AGBL1: variants seen among roughly 807,000 people sequenced by gnomAD.
AGBL1 encodes AGBL carboxypeptidase 1.
Under a neutral mutation model 118.9 loss-of-function variants are expected in AGBL1, and 130 were observed. The observed-to-expected ratio is 1.09, with a 90% confidence interval of 0.95 to 1.26. AGBL1 has a LOEUF of 1.26. AGBL1 is among the 50% of genes most tolerant of loss of function. The pLI is 0.00. For missense variants in AGBL1, 1,584 were observed against 1,298.1 expected (o/e 1.22, Z -3.38); for synonymous variants, 555 against 478.9 (o/e 1.16, Z -2.08).
intron 18 of AGBL1, among the ~76,000 whole-genome samples, chr15:86,479,805 A>G (rs910356291): frequency 6.6e-6 from 1 of 152,192 alleles, no homozygotes; most frequent in African/African-American, 2.4e-5. Context: ...TTGCGGCACT[A>G]TTCACAATAG....
chr15:86,463,477 C>T (rs2082359113), intron 18 of AGBL1, among the ~76,000 whole-genome samples: 2 of 152,086 alleles, frequency 1.3e-5, no homozygotes, highest in Admixed American at 1.3e-4. Flanking sequence ...GCTTTTGTTG[C>T]CATTACTTTT....
At chr15:86,430,358 G>T (rs112616021) in intron 18 of AGBL1, among the ~76,000 whole-genome samples, 1 of 151,912 alleles carries the variant, frequency 6.6e-6, no homozygotes, top group East Asian at 1.9e-4. Flanking sequence ...AGCTGGTCGC[G>T]GTGATAGGCA....
chr15:86,514,238 A>G (rs187712969), intron 18 of AGBL1, among the ~76,000 whole-genome samples: 18 of 152,206 alleles, frequency 1.2e-4, no homozygotes, highest in African/African-American at 3.9e-4. Context: ...TCAATACAAA[A>G]TCACAGAGTT....
chr15:86,371,607 G>C (rs2080971126), intron 17 of AGBL1, among the ~76,000 whole-genome samples: 1 of 151,972 alleles, frequency 6.6e-6, no homozygotes, highest in Non-Finnish European at 1.5e-5. Flanking sequence ...TCATTATTAT[G>C]TGTGTGTGGA....
downstream of AGBL1, among the ~76,000 whole-genome samples, chr15:86,916,427 T>C (rs1162520479): frequency 6.6e-6 from 1 of 150,668 alleles, no homozygotes; most frequent in African/African-American, 2.4e-5. Flanking sequence ...GTGTGTGTGT[T>C]TGTGTGTGTG....
chr15:86,365,301 A>G (rs1160353284), intron 17 of AGBL1, among the ~76,000 whole-genome samples: 1 of 152,090 alleles, frequency 6.6e-6, no homozygotes, highest in African/African-American at 2.4e-5. Context: ...GTCCATGTGT[A>G]GTAGTCTGAA....
chr15:86,652,227 G>A (rs2085385134), intron 21 of AGBL1, among the ~76,000 whole-genome samples: 1 of 152,146 alleles, frequency 6.6e-6, no homozygotes, highest in East Asian at 1.9e-4. Context: ...TTCTCCTCAT[G>A]TTCTCTTTCA....
chr15:86,760,459 A>G (rs533082680), intron 22 of AGBL1, among the ~76,000 whole-genome samples: 2 of 152,170 alleles, frequency 1.3e-5, no homozygotes, highest in Non-Finnish European at 1.5e-5. Flanking sequence ...ATGACTTTCT[A>G]AATGCAGAGA....
In AGBL1 at chr15:86,907,152, T is replaced by C. The variant is rs118077072; in HGVS notation, c.3224T>C (p.Ile1075Thr). 3,820 of 152,234 alleles carry C rather than the reference T, an allele frequency of 0.025. 51 individuals are homozygous for C. Among genetic ancestry groups the C allele is most frequent in the Non-Finnish European group, 0.038 (2,613 of 68,118 alleles). 9.4% of individuals were successfully genotyped at this position (152,234 alleles called of 1,614,324 possible). Residue 1075 changes from isoleucine to threonine, a missense_variant, in exon 23 of 23, where the codon ATT becomes ACT. Coordinates refer to ENST00000614907, the MANE Select transcript of AGBL1 (RefSeq NM_001386094.1). ...GATGAACCTGCCTGCTTGGAGGAGA[T>C]TGATTACAGTACCGACAACAGCTCA... ...LEDEPACLEE[I>T]DYSTDNSSDQ...
At chr15:86,978,954 A>G (rs1347434124) in intron 23 of AGBL1, among the ~76,000 whole-genome samples, 1 of 152,214 alleles carries the variant, frequency 6.6e-6, no homozygotes, top group East Asian at 1.9e-4. Context: ...TGCTTTTCAA[A>G]TTCACACTCA....
intron 22 of AGBL1, among the ~76,000 whole-genome samples, chr15:86,828,539 T>C (rs1474121519): frequency 3.3e-5 from 5 of 151,902 alleles, no homozygotes; most frequent in African/African-American, 7.3e-5. Flanking sequence ...ACTTTGAAGA[T>C]AGAGGAAGGG....
At chr15:86,695,363 T>A (rs190226947) in intron 22 of AGBL1, among the ~76,000 whole-genome samples, 2 of 152,172 alleles carry the variant, frequency 1.3e-5, no homozygotes, top group African/African-American at 4.8e-5. Flanking sequence ...TCCTCTAGGT[T>A]TTTTAGTTTA....
chr15:86,674,954 G>A (rs1008642154), intron 22 of AGBL1, among the ~76,000 whole-genome samples: 2 of 152,192 alleles, frequency 1.3e-5, no homozygotes, highest in Non-Finnish European at 2.9e-5. Flanking sequence ...CCATAGGAGG[G>A]AAAGGCTAGA....
chr15:86,406,879 C>T (rs1182176784), intron 18 of AGBL1, among the ~76,000 whole-genome samples: 1 of 152,092 alleles, frequency 6.6e-6, no homozygotes, highest in East Asian at 1.9e-4. Flanking sequence ...AACAATTCTT[C>T]ATTATAAACT....
At chr15:86,220,180 T>C (rs986958311) in intron 5 of AGBL1, among the ~76,000 whole-genome samples, 1 of 152,016 alleles carries the variant, frequency 6.6e-6, no homozygotes, top group African/African-American at 2.4e-5. Flanking sequence ...CGTTGAACTC[T>C]TCACCTTGTG....
At position 86,167,546 on chromosome 15, in the gene AGBL1, C is replaced by T. The variant is rs144827409; in HGVS notation, c.488+8520C>T. On this transcript the variant is annotated intron_variant, in intron 5 of 22. Transcript: ENST00000614907. ...TAGGCGTGAACCGCCATGCCTGGCC[C>T]GGGAACTGATATTTCTAATAGAATT... 6.4e-4 allele frequency among the ~76,000 whole-genome samples: 97 copies of T among 152,284 alleles called. 1 individual carries two copies. The highest frequency in any genetic ancestry group is 1.6e-3 in the African/African-American group (68 of 41,564).
rs1357516895 is a variant in AGBL1, at chr15:86,526,485, T to G, written c.2685+3546T>G. ...ATCAACCTAAGTCCCCATCAATTGA[T>G]GAGTGGATGAAGAAAATGTGGCATA... On this transcript the variant is annotated intron_variant, in intron 19 of 22. Transcript: ENST00000614907. 4.0e-5 allele frequency among the ~76,000 whole-genome samples: 6 copies of G among 148,842 alleles called. No individual in the cohort carries two copies. In the East Asian group the frequency reaches 9.9e-4, roughly 25 times the overall value.
intron 21 of AGBL1, among the ~76,000 whole-genome samples, chr15:86,558,525 C>G (rs2083769074): frequency 6.6e-6 from 1 of 152,222 alleles, no homozygotes; most frequent in Non-Finnish European, 1.5e-5. Flanking sequence ...GGTATTGTTA[C>G]AGCAAGCACT....
intron 22 of AGBL1, among the ~76,000 whole-genome samples, chr15:86,861,750 C>G (rs1427541265): frequency 6.6e-6 from 1 of 152,168 alleles, no homozygotes; most frequent in Non-Finnish European, 1.5e-5. Context: ...GTATGCCACC[C>G]ATACTCCTGA....
Sources: gnomAD v4.1 joint callset for allele counts (sites outside exome capture counted in the v4.1 genomes callset) on GRCh38, gnomAD v4.1.1 for gene constraint, MANE v1.5 for transcripts, NCBI Gene and HGNC (gene_info 2026-07-23, HGNC 2026-07-21) for gene names.